PIK3C2G: variants seen among roughly 807,000 people sequenced by gnomAD.
PIK3C2G encodes phosphatidylinositol-4-phosphate 3-kinase catalytic subunit type 2 gamma.
Under a neutral mutation model 181.1 loss-of-function variants are expected in PIK3C2G, and 168 were observed. That is an observed-to-expected ratio of 0.93 (90% confidence interval 0.82 to 1.05). The LOEUF is 1.05. Ranked by LOEUF, PIK3C2G falls within the 50% of genes least tolerant of loss-of-function variation. The pLI, the probability that PIK3C2G is intolerant of heterozygous loss-of-function variation, is 0.00. For missense variants in PIK3C2G, 1,869 were observed against 1,732.8 expected, an observed-to-expected ratio of 1.08 and a Z score of -1.40; for synonymous variants, 573 against 592.2, an observed-to-expected ratio of 0.97 and a Z score of 0.47.
At chr12:18,651,732 G>A (rs1339116621), downstream of PIK3C2G, among the ~76,000 whole-genome samples, 1 of 152,080 alleles carries the variant, frequency 6.6e-6, no homozygotes, top group African/African-American at 2.4e-5. Flanking sequence ...ACCACCAATG[G>A]GAGCAATGCC....
intron 28 of PIK3C2G, among the ~76,000 whole-genome samples, chr12:18,566,635 CT>C (rs955290709): frequency 1.3e-5 from 2 of 152,042 alleles, no homozygotes; most frequent in African/African-American, 4.8e-5. Flanking sequence ...TTCAGACAGT[CT>C]TTTTTTAAGA....
At chr12:18,613,648 C>G (rs1241077027) in intron 31 of PIK3C2G, among the ~76,000 whole-genome samples, 2 of 152,082 alleles carry the variant, frequency 1.3e-5, no homozygotes, top group African/African-American at 4.8e-5. Context: ...ACAATACAGG[C>G]ATCTCTTGGT....
At chr12:18,420,239 C>T (rs1431499810) in intron 16 of PIK3C2G, among the ~76,000 whole-genome samples, 2 of 152,086 alleles carry the variant, frequency 1.3e-5, no homozygotes, top group African/African-American at 2.4e-5. Context: ...GAATCTATTT[C>T]TTCTGATGGA....
At chr12:18,656,521 C>T in the PIK3C2G span, among the ~76,000 whole-genome samples, 193 of 152,266 alleles carry the variant, frequency 1.3e-3, no homozygotes, top group Non-Finnish European at 2.0e-3. Context: ...GACAAGATCA[C>T]ACCACTGGAC....
chr12:18,383,175 A>C (rs1039513483), intron 14 of PIK3C2G, among the ~76,000 whole-genome samples: 9 of 152,232 alleles, frequency 5.9e-5, no homozygotes, highest in African/African-American at 2.2e-4. Context: ...GAAGAAAAAT[A>C]GCAAAATGCC....
chr12:18,453,606 T>C (rs779288792), intron 18 of PIK3C2G, among the ~76,000 whole-genome samples: 10 of 152,122 alleles, frequency 6.6e-5, no homozygotes, highest in Non-Finnish European at 1.2e-4. Flanking sequence ...GGAACACTCA[T>C]ATCTTGAGGT....
intron 18 of PIK3C2G, among the ~76,000 whole-genome samples, chr12:18,467,405 T>C (rs935469): frequency 0.16 from 24,609 of 151,838 alleles, 2,361 homozygotes; most frequent in African/African-American, 0.27. Context: ...TTATCTACAA[T>C]TGGTTTCCCT....
intron 16 of PIK3C2G, among the ~76,000 whole-genome samples, chr12:18,407,730 T>C (rs931632783): frequency 6.6e-6 from 1 of 152,114 alleles, no homozygotes; most frequent in Non-Finnish European, 1.5e-5. Flanking sequence ...TAAGTTATAT[T>C]CGAGCTCAAA....
chr12:18,706,222 ACT>A, the PIK3C2G span, among the ~76,000 whole-genome samples: 15 of 151,230 alleles, frequency 9.9e-5, no homozygotes, highest in Non-Finnish European at 2.2e-4. Context: ...ACGGAATGAG[ACT>A]CTGTCTCAAA....
chr12:18,693,447 T>G, the PIK3C2G span: 1 of 1,605,764 alleles, frequency 6.2e-7, no homozygotes, highest in Non-Finnish European at 8.5e-7. Context: ...GGGGTCATTC[T>G]CTGTGGTCCA....
At chr12:18,371,059 G>A (rs1750057057) in intron 12 of PIK3C2G, 121 bp from the exon 13 acceptor site, 3 of 716,694 alleles carry the variant, frequency 4.2e-6, no homozygotes, top group Non-Finnish European at 4.1e-6. Flanking sequence ...AAAATTTCAA[G>A]AGGCAGCCTC....
chr12:18,289,593 CA>C (rs1949600467), intron 3 of PIK3C2G, among the ~76,000 whole-genome samples: 1 of 152,160 alleles, frequency 6.6e-6, no homozygotes, highest in Non-Finnish European at 1.5e-5. Flanking sequence ...GCAGCAACAG[CA>C]GCAGCTTACT....
the PIK3C2G span, among the ~76,000 whole-genome samples, chr12:18,677,741 A>C: frequency 6.6e-6 from 1 of 152,096 alleles, no homozygotes; most frequent in Non-Finnish European, 1.5e-5. Context: ...TAAGGTTAAG[A>C]ACAACTGGTC....
At chr12:18,651,129 T>C (rs1950497264), downstream of PIK3C2G, among the ~76,000 whole-genome samples, 1 of 152,052 alleles carries the variant, frequency 6.6e-6, no homozygotes. Context: ...CCTATGCTTA[T>C]AACATTCAAT....
chr12:18,436,173 CATT>C (rs770250656), intron 18 of PIK3C2G, among the ~76,000 whole-genome samples: 2 of 152,050 alleles, frequency 1.3e-5, no homozygotes, highest in Admixed American at 6.6e-5. Flanking sequence ...TACTTCACAT[CATT>C]GTTACAAGAA....
chr12:18,708,646 T>C, the PIK3C2G span, among the ~76,000 whole-genome samples: 10 of 152,162 alleles, frequency 6.6e-5, no homozygotes, highest in Non-Finnish European at 1.3e-4. Context: ...GGTTCCCTTT[T>C]TGCCACGCCC....
At chr12:18,430,632 T>C (rs904862478) in intron 18 of PIK3C2G, among the ~76,000 whole-genome samples, 5 of 152,180 alleles carry the variant, frequency 3.3e-5, no homozygotes, top group Non-Finnish European at 5.9e-5. Context: ...GGAGGAGAGC[T>C]GCTTCAGAGG....
chr12:18,696,164 A>G, the PIK3C2G span: 2 of 1,546,134 alleles, frequency 1.3e-6, no homozygotes, highest in South Asian at 1.1e-5. Context: ...TTGACAACCT[A>G]TATTCCAAAA....
chr12:18,414,337 T>A (rs1945046400), intron 16 of PIK3C2G, among the ~76,000 whole-genome samples: 1 of 152,158 alleles, frequency 6.6e-6, no homozygotes, highest in African/African-American at 2.4e-5. Context: ...AAAAACTTTT[T>A]AAAACTTAGC....
Sources: allele counts gnomAD v4.1 joint callset (sites outside exome capture counted in the v4.1 genomes callset), GRCh38; gene constraint gnomAD v4.1.1; transcripts MANE v1.5; gene names NCBI Gene and HGNC (gene_info 2026-07-23, HGNC 2026-07-21).